Variants in TAF8 observed in about 807,000 individuals in gnomAD.
TAF8 encodes transcription initiation factor TFIID subunit 8.
In TAF8, 47 loss-of-function variants were observed where a neutral mutation model predicts 36.5. The observed-to-expected ratio is 1.29, with a 90% CI of 1.02 to 1.64. The LOEUF (loss-of-function observed/expected upper bound fraction) is 1.64. Among genes scored for constraint, TAF8 ranks in the 40% most tolerant of loss-of-function variants. The pLI is 0.00. For missense variants in TAF8, 420 were observed against 407.6 expected, an observed-to-expected ratio of 1.03 and a Z score of -0.26; for synonymous variants, 175 against 159.5, an observed-to-expected ratio of 1.10 and a Z score of -0.73.
intron 5 of TAF8, among the ~76,000 whole-genome samples, chr6:42,062,583 G>A (rs1279601674): frequency 1.5e-5 from 2 of 130,336 alleles, no homozygotes; most frequent in Admixed American, 1.8e-4. Flanking sequence ...TTGCCAGGCT[G>A]GAGTGCAGTG....
At chr6:42,074,008 G>A (rs1765671487) in intron 7 of TAF8, among the ~76,000 whole-genome samples, 1 of 152,164 alleles carries the variant, frequency 6.6e-6, no homozygotes, top group African/African-American at 2.4e-5. Context: ...GAAAAGGAGT[G>A]TGCCAGGTGT....
chr6:42,064,098 T>C (rs1387855273), intron 5 of TAF8, among the ~76,000 whole-genome samples: 1 of 152,212 alleles, frequency 6.6e-6, no homozygotes, highest in Non-Finnish European at 1.5e-5. Flanking sequence ...CATTTACTCA[T>C]TATCCAAAGA....
intron 5 of TAF8, among the ~76,000 whole-genome samples, chr6:42,061,195 T>C (rs181011681): frequency 1.3e-5 from 2 of 152,334 alleles, no homozygotes; most frequent in African/African-American, 4.8e-5. Context: ...AAAGCTACAA[T>C]TGACTAGGAA....
At chr6:42,072,944 C>T (rs1036603349) in intron 7 of TAF8, among the ~76,000 whole-genome samples, 2 of 151,664 alleles carry the variant, frequency 1.3e-5, no homozygotes, top group African/African-American at 2.4e-5. Context: ...AGGATGGTCT[C>T]GATCTCCCGA....
chr6:42,057,942 A>G lies in TAF8; in HGVS notation c.489+429A>G, dbSNP rs76530848. Among the ~76,000 whole-genome samples the G allele has an allele frequency of 1.4e-3, 208 of 152,340 alleles. 1 individual carries two copies. Among genetic ancestry groups the G allele is most frequent in the African/African-American group, 4.8e-3 (198 of 41,570 alleles). The stretch of plus-strand genomic sequence containing the variant: ...CAAAAGTACATAGCCGCATAGGAAC[A>G]AGACTGAAAAGGTATTCCACTAAAT... On this transcript the variant is annotated intron_variant, in intron 5 of 8. Transcript: ENST00000372977.
chr6:42,072,145 C>T (rs2492928), intron 7 of TAF8, among the ~76,000 whole-genome samples: 123,264 of 152,176 alleles, frequency 0.81, 50,028 homozygotes, highest in East Asian at 0.92. Context: ...GAGCGTGAGA[C>T]AGAGCTGGTA....
chr6:42,084,963 C>G (rs978699201), downstream of TAF8, among the ~76,000 whole-genome samples: 3 of 152,156 alleles, frequency 2.0e-5, no homozygotes, highest in Non-Finnish European at 4.4e-5. Flanking sequence ...CGTATTGCCT[C>G]TCTCCAGACT....
intron 1 of TAF8, 165 bp downstream of exon 1, chr6:42,050,751 G>A (rs1248460030): frequency 3.8e-5 from 38 of 1,010,934 alleles, no homozygotes; most frequent in Non-Finnish European, 5.5e-6. Flanking sequence ...GGACTTGGCT[G>A]CGGCCTCCGG....
chr6:42,078,344 A>T lies in TAF8; in HGVS notation c.*799A>T. The T allele has an allele frequency of 1.0e-6, 1 of 984,208 alleles. No individual in the cohort carries two copies. The allele number at this position is 984,208 out of a possible 1,614,324, so 61.0% of individuals were successfully genotyped here. A position where few individuals can be genotyped will look rare whatever the true frequency, so the allele number is the denominator to read the frequency against. ...TTTGCTGCTGTGCTTATTACAAGGA[A>T]GACTGTTTGTCCAGCGTGTATTTCA... is the stretch of plus-strand genomic sequence containing the variant. On this transcript the variant is annotated 3_prime_UTR_variant, in exon 9 of 9. Transcript: ENST00000372977.
chr6:42,068,208 T>C (rs915805344), intron 6 of TAF8, among the ~76,000 whole-genome samples: 1 of 152,230 alleles, frequency 6.6e-6, no homozygotes, highest in Non-Finnish European at 1.5e-5. Flanking sequence ...AATCCCATTC[T>C]GCCATTTTTA....
At chr6:42,059,382 C>CA (rs1286385544) in intron 5 of TAF8, among the ~76,000 whole-genome samples, 18 of 138,150 alleles carry the variant, frequency 1.3e-4, no homozygotes, top group Admixed American at 2.2e-4. Context: ...GACTTTGTCT[C>CA]AAGAAAAAAA....
chr6:42,057,465 C>CA lies in TAF8; in HGVS notation c.442dup (p.Ser148LysfsTer5). The CA allele has an allele frequency of 6.2e-7, 1 of 1,614,164 alleles. No homozygotes were observed. The highest frequency in any genetic ancestry group is 1.1e-5 in the South Asian group (1 of 91,076). The stretch of plus-strand genomic sequence containing the variant: ...ACCGACCCCACCCGCCGCACATCCC[C>CA]AGCCATTTTCCTGAGTTCCCTGATC... On this transcript the variant is annotated frameshift_variant, in exon 5 of 9. Transcript: ENST00000372977. LOFTEE classifies it high-confidence loss of function.
intron 5 of TAF8, among the ~76,000 whole-genome samples, chr6:42,065,687 T>A (rs1461296365): frequency 6.6e-6 from 1 of 152,210 alleles, no homozygotes; most frequent in Non-Finnish European, 1.5e-5. Flanking sequence ...GCACTCCCAC[T>A]CTTTCTTCAC....
rs1476538284 is a variant in TAF8 at position 42,083,134 on chromosome 6, T to C, written c.*5589T>C. On this transcript the variant is annotated 3_prime_UTR_variant, in exon 9 of 9. Coordinates refer to ENST00000372977, the MANE Select transcript of TAF8 (RefSeq NM_138572.3). ...CAGACCTCATCCCTGGCAGCTGCTA[T>C]TATGTTACTGTCAATATGACCTTAT... 6.6e-6 allele frequency: 1 copy of C among 152,240 alleles called. No individual in the cohort carries two copies. The highest frequency in any genetic ancestry group is 1.9e-4 in the East Asian group (1 of 5,200). The allele number at this position is 152,240 out of a possible 1,614,324, so 9.4% of individuals were successfully genotyped here.
intron 5 of TAF8, among the ~76,000 whole-genome samples, chr6:42,059,496 G>C (rs900152145): frequency 2.6e-5 from 4 of 152,114 alleles, no homozygotes; most frequent in African/African-American, 9.7e-5. Context: ...TCTGGGTGGT[G>C]CCAGCTGATC....
At chr6:42,050,794 C>A in intron 1 of TAF8, 1 of 909,672 alleles carries the variant, frequency 1.1e-6, no homozygotes, top group South Asian at 2.2e-5. Flanking sequence ...TTGGCTCGTT[C>A]GCTGTTGGGG....
At chr6:42,083,525 T>C (rs1765977931), downstream of TAF8, among the ~76,000 whole-genome samples, 1 of 152,032 alleles carries the variant, frequency 6.6e-6, no homozygotes, top group African/African-American at 2.4e-5. Flanking sequence ...TAAACTTTGC[T>C]ACTCTGATAG....
At chr6:42,052,043 G>C (rs1359275269) in intron 2 of TAF8, among the ~76,000 whole-genome samples, 3 of 152,190 alleles carry the variant, frequency 2.0e-5, no homozygotes, top group African/African-American at 7.2e-5. Flanking sequence ...TCATCACTCT[G>C]TCACTTAATA....
intron 7 of TAF8, among the ~76,000 whole-genome samples, chr6:42,076,206 C>G (rs1268203442): frequency 7.2e-6 from 1 of 138,854 alleles, no homozygotes; most frequent in South Asian, 2.3e-4. Context: ...GACTCCATCT[C>G]AAAAAAAAAA....
Sources: gnomAD v4.1 joint callset for allele counts (sites outside exome capture counted in the v4.1 genomes callset) on GRCh38, gnomAD v4.1.1 for gene constraint, MANE v1.5 for transcripts, NCBI Gene and HGNC (gene_info 2026-07-23, HGNC 2026-07-21) for gene names.